The following TUSC3 variants were observed in gnomAD, a reference collection of about 807,000 sequenced individuals.
The protein encoded by TUSC3 is dolichyl-diphosphooligosaccharide--protein glycosyltransferase subunit TUSC3.
Under a neutral mutation model 44.8 loss-of-function variants are expected in TUSC3, and 45 were observed. The observed-to-expected ratio is 1.00, with a 90% CI of 0.79 to 1.29. TUSC3 has a LOEUF of 1.29. Among genes scored for constraint, TUSC3 ranks in the 50% most tolerant of loss-of-function variants. The pLI is 0.00. For missense variants in TUSC3, 519 were observed against 437.9 expected, an observed-to-expected ratio of 1.19 and a Z score of -1.65; for synonymous variants, 212 against 152.9, an observed-to-expected ratio of 1.39 and a Z score of -2.85.
intron 9 of TUSC3, chr8:15,748,754 C>T (rs758845481): frequency 5.3e-6 from 3 of 571,016 alleles, no homozygotes; most frequent in African/African-American, 1.9e-5. Context: ...TTTTTATCTT[C>T]CCTTAGTTTG....
chr8:15,436,704 A>G (rs1799949915), intron 1 of TUSC3, among the ~76,000 whole-genome samples: 1 of 152,202 alleles, frequency 6.6e-6, no homozygotes, highest in South Asian at 2.1e-4. Flanking sequence ...CACAAAAAAA[A>G]TACACATTTC....
chr8:15,812,327 G>C, the TUSC3 span, among the ~76,000 whole-genome samples: 2 of 152,280 alleles, frequency 1.3e-5, no homozygotes, highest in African/African-American at 4.8e-5. Context: ...GGTTGTCTGT[G>C]TACGTTCTAA....
upstream of TUSC3, chr8:15,540,184 TG>T: frequency 2.1e-6 from 1 of 473,266 alleles, no homozygotes; most frequent in Non-Finnish European, 3.5e-6. Context: ...CCCCGAAGCC[TG>T]GCTCCCTCGC....
chr8:15,709,843 T>C (rs1403979255), intron 6 of TUSC3, among the ~76,000 whole-genome samples: 2 of 151,872 alleles, frequency 1.3e-5, no homozygotes, highest in African/African-American at 4.8e-5. Flanking sequence ...CACTTTAATA[T>C]AGCATACTGG....
At chr8:15,756,224 T>G (rs906985552) in intron 9 of TUSC3, among the ~76,000 whole-genome samples, 1 of 152,196 alleles carries the variant, frequency 6.6e-6, no homozygotes, top group Admixed American at 6.5e-5. Context: ...GGCTTAAAGT[T>G]AGTTACTTAA....
At chr8:15,828,909 G>A in the TUSC3 span, among the ~76,000 whole-genome samples, 1 of 152,128 alleles carries the variant, frequency 6.6e-6, no homozygotes, top group Non-Finnish European at 1.5e-5. Context: ...AAATGTTGGA[G>A]TGAAAGAAAA....
upstream of TUSC3, among the ~76,000 whole-genome samples, chr8:15,537,762 A>C (rs1219531232): frequency 6.6e-6 from 1 of 152,212 alleles, no homozygotes; most frequent in African/African-American, 2.4e-5. Context: ...TTGAAGTACC[A>C]TTGCTTACAA....
chr8:15,522,190 G>C (rs1801308258), intron 2 of TUSC3, among the ~76,000 whole-genome samples: 2 of 151,950 alleles, frequency 1.3e-5, no homozygotes, highest in African/African-American at 4.8e-5. Context: ...TCCACCACAA[G>C]TCATGGGTAA....
chr8:15,648,293 A>T (rs578096930), intron 2 of TUSC3, among the ~76,000 whole-genome samples: 2 of 151,882 alleles, frequency 1.3e-5, no homozygotes, highest in African/African-American at 2.4e-5. Context: ...TTTTTATATG[A>T]TATTGTTTTT....
At chr8:15,527,571 T>C (rs151298050) in intron 2 of TUSC3, among the ~76,000 whole-genome samples, 99 of 152,312 alleles carry the variant, frequency 6.5e-4, no homozygotes, top group Middle Eastern at 3.4e-3. Context: ...ATTTGAACTT[T>C]GATTTTTATT....
chr8:15,778,071 C>T, the TUSC3 span, among the ~76,000 whole-genome samples: 1 of 148,558 alleles, frequency 6.7e-6, no homozygotes, highest in Non-Finnish European at 1.5e-5. Context: ...ATCTGAGTGA[C>T]ATCAGACTCA....
At chr8:15,672,743 C>T (rs1168538618) in intron 5 of TUSC3, among the ~76,000 whole-genome samples, 2 of 151,954 alleles carry the variant, frequency 1.3e-5, no homozygotes, top group Non-Finnish European at 2.9e-5. Flanking sequence ...GTTTAGATAT[C>T]GTTTTTTATT....
the TUSC3 span, among the ~76,000 whole-genome samples, chr8:15,811,439 C>G: frequency 6.6e-6 from 1 of 152,082 alleles, no homozygotes; most frequent in East Asian, 1.9e-4. Flanking sequence ...GGGTCAAGCC[C>G]GGGGGTAGTT....
intron 2 of TUSC3, among the ~76,000 whole-genome samples, chr8:15,531,390 T>C (rs1801447191): frequency 6.6e-6 from 1 of 152,164 alleles, no homozygotes; most frequent in Admixed American, 6.5e-5. Context: ...TAGCTGGGAT[T>C]ACAGGCACCC....
chr8:15,685,870 T>C (rs1808606501), intron 6 of TUSC3, among the ~76,000 whole-genome samples: 1 of 144,084 alleles, frequency 6.9e-6, no homozygotes, highest in Admixed American at 7.0e-5. Context: ...TTTTTTTTTT[T>C]TGAAAAATTA....
chr8:15,835,284 C>T, the TUSC3 span, among the ~76,000 whole-genome samples: 464 of 151,978 alleles, frequency 3.1e-3, 5 homozygotes, highest in Non-Finnish European at 5.0e-3. Flanking sequence ...TCTTCTATGT[C>T]TCTGTTATTT....
chr8:15,693,847 T>G (rs1321047375), intron 6 of TUSC3, among the ~76,000 whole-genome samples: 5 of 152,102 alleles, frequency 3.3e-5, no homozygotes, highest in African/African-American at 1.2e-4. Flanking sequence ...TTCTTTATTG[T>G]TTTTTCTTCA....
downstream of TUSC3, among the ~76,000 whole-genome samples, chr8:15,767,842 T>G (rs963404230): frequency 1.3e-5 from 2 of 152,070 alleles, no homozygotes; most frequent in African/African-American, 2.4e-5. Context: ...AAGATTGAAG[T>G]TGGGACAAAT....
chr8:15,832,710 G>C, the TUSC3 span, among the ~76,000 whole-genome samples: 4 of 152,118 alleles, frequency 2.6e-5, no homozygotes, highest in East Asian at 7.7e-4. Context: ...AGGGTAAAGG[G>C]TTCAATTCAA....
Sources: gnomAD v4.1 joint callset for allele counts (sites outside exome capture counted in the v4.1 genomes callset) on GRCh38, gnomAD v4.1.1 for gene constraint, MANE v1.5 for transcripts, NCBI Gene and HGNC (gene_info 2026-07-23, HGNC 2026-07-21) for gene names.